Variants in SRRM2 observed in about 807,000 individuals in gnomAD.
SRRM2 encodes the protein serine/arginine repetitive matrix protein 2.
In SRRM2, 30 loss-of-function variants were observed where a neutral mutation model predicts 213.8. That is an observed-to-expected ratio of 0.14 (90% CI 0.10 to 0.19). The LOEUF is 0.19. Ranked by LOEUF, SRRM2 falls within the 10% of genes least tolerant of loss-of-function variation. SRRM2 has a pLI of 1.00. For synonymous variants in SRRM2, 2,025 were observed against 1,377.7 expected (o/e 1.47, Z -10.40); for missense variants, 4,904 against 3,647.0 (o/e 1.34, Z -8.88).
chr16:2,761,066 T>G (rs2150774635), intron 10 of SRRM2, among the ~76,000 whole-genome samples: 1 of 152,336 alleles, frequency 6.6e-6, no homozygotes, highest in Middle Eastern at 3.4e-3. Context: ...CCTTATTGCT[T>G]TTGAATTATA....
In SRRM2 at chr16:2,766,085, C is replaced by G. The variant is rs747392349; in HGVS notation, c.5557C>G (p.Arg1853Gly). Residue 1853 changes from arginine (R) to glycine (G), a missense_variant, in exon 11 of 15, where the codon CGC (arginine) becomes GGC (glycine). By Grantham distance (125) the Arg-to-Gly change is moderately radical (BLOSUM62 -2). Transcript: ENST00000301740. This position sits in a 1 kb window ranked among gnomAD's most constrained non-coding sequence, Gnocchi z 7.0. ...RTPPTSRKRS[R>G]SRTSPAPWKR... The stretch of plus-strand genomic sequence containing the variant: ...ACCCCCAACCAGTCGGAAGCGTTCT[C>G]GCTCACGCACATCACCAGCCCCGTG... 2.5e-6 allele frequency: 4 copies of G among 1,614,046 alleles called. No individual in the cohort carries two copies. The highest frequency in any genetic ancestry group is 2.5e-6 in the Non-Finnish European group (3 of 1,180,040).
In SRRM2 at chr16:2,767,261, G is replaced by T. The variant is rs768236006; in HGVS notation, c.6733G>T (p.Ala2245Ser). 1.3e-5 allele frequency: 21 copies of T among 1,613,984 alleles called. No homozygotes were observed. In the South Asian group the frequency reaches 1.5e-4, roughly 12 times the overall value. ...TGCGGCAGCCATGAACCTAGCCAGC[G>T]CCAGGACACCTGCCATTCCAACAGC... The part of the protein sequence containing the change: ...ASAAAMNLAS[A>S]RTPAIPTAVN... The change falls in exon 11 of 15, where the codon GCC becomes TCC. Residue 2245 changes from alanine to serine, a missense_variant. Ala to Ser is a moderately conservative substitution (Grantham distance 99). Coordinates refer to ENST00000301740, the MANE Select transcript of SRRM2 (RefSeq NM_016333.4).
At chr16:2,753,089 G>T (rs975242853) in intron 1 of SRRM2, among the ~76,000 whole-genome samples, 22 of 149,014 alleles carry the variant, frequency 1.5e-4, no homozygotes, top group Admixed American at 4.0e-4. Flanking sequence ...CCTGTACTCG[G>T]GTTCGCGAGC....
In SRRM2 at chr16:2,769,271, C is replaced by A. The variant is rs747113957; in HGVS notation, c.8008C>A (p.Pro2670Thr). ...ACCTGCAAGCCCCAAGAAGCCACCC[C>A]CTGGCGAGCGGAGGTGAGTGCTGTC... is the stretch of plus-strand genomic sequence containing the variant. ...PKPASPKKPP[P>T]GERRSRSPRK... Residue 2670 changes from proline (P) to threonine (T), a missense_variant, in exon 12 of 15, where the codon CCT becomes ACT. By Grantham distance (38) the Pro-to-Thr change is conservative. Transcript: ENST00000301740. The A allele has an allele frequency of 6.4e-7, 1 of 1,561,468 alleles. No individual in the cohort carries two copies. The highest frequency in any genetic ancestry group is 8.7e-7 in the Non-Finnish European group (1 of 1,153,010).
chr16:2,767,221 G>A lies in SRRM2; in HGVS notation c.6693G>A (p.Arg2231=), dbSNP rs2068574806. The change falls in exon 11 of 15, where the codon AGG becomes AGA. Residue 2231 remains arginine, a synonymous_variant. Transcript: ENST00000301740. The stretch of plus-strand genomic sequence containing the variant: ...CACCAGCAGCCAACCTTGCCAGCAG[G>A]ATTCCTGCAGCCTCTGCGGCAGCCA... ...RTAPAANLAS[R]IPAASAAAMN... is the part of the protein sequence containing the mutation. 2 of 1,614,146 alleles carry A rather than the reference G, an allele frequency of 1.2e-6. No homozygotes were observed. Among genetic ancestry groups the A allele is most frequent in the Middle Eastern group, 1.6e-4 (1 of 6,062 alleles).
rs199897709 is a variant in SRRM2 at position 2,767,681 on chromosome 16, G to A, written c.7153G>A (p.Val2385Met). ...LSGANLTSPR[V>M]PLSAYERVSG... ...TGGTGCAAACCTCACCAGCCCCAGG[G>A]TGCCCCTTTCTGCCTACGAGCGTGT... is the stretch of plus-strand genomic sequence containing the variant. The change falls in exon 11 of 15, where the codon GTG becomes ATG. Residue 2385 changes from valine (V) to methionine (M), a missense_variant. Transcript: ENST00000301740. 5.8e-5 allele frequency: 94 copies of A among 1,613,968 alleles called. No individual in the cohort carries two copies. The highest frequency in any genetic ancestry group is 7.9e-5 in the Non-Finnish European group (93 of 1,179,994).
Position 2,763,209 on chromosome 16 carries a change from C to T in SRRM2, c.2681C>T (p.Ser894Phe), listed in dbSNP as rs750449689. ...CCTTCTAGACATAGCTGCTCAGGGT[C>T]CTCTCCTCCTAGAGTGAAATCTAGC... is the stretch of plus-strand genomic sequence containing the variant. ...RTPSRHSCSG[S>F]SPPRVKSSTP... is the part of the protein sequence containing the mutation. The change falls in exon 11 of 15, where the codon TCC (serine) becomes TTC (phenylalanine). Residue 894 changes from serine (S) to phenylalanine (F), a missense_variant. Transcript: ENST00000301740. The T allele has an allele frequency of 4.5e-5, 73 of 1,613,952 alleles. No individual in the cohort carries two copies. The highest frequency in any genetic ancestry group is 6.7e-5 in the Admixed American group (4 of 59,990).
At position 2,770,345 on chromosome 16, in the gene SRRM2, T is replaced by A; in HGVS notation, c.8022-7T>A. On this transcript the variant is annotated splice_region_variant and splice_polypyrimidine_tract_variant and intron_variant, in intron 12 of 14. Transcript: ENST00000301740. ...GTGGTGCTATTGGGTCCTACTGTGT[T>A]CCCCAGGTCCCGCAGCCCCCGGAAG... 6.3e-7 allele frequency: 1 copy of A among 1,578,860 alleles called. No homozygotes were observed. The highest frequency in any genetic ancestry group is 8.6e-7 in the Non-Finnish European group (1 of 1,161,874).
chr16:2,760,706 C>G (rs996278602), intron 10 of SRRM2: 32 of 581,030 alleles, frequency 5.5e-5, no homozygotes, highest in Non-Finnish European at 8.1e-5. Context: ...AATCAAATCT[C>G]ACTGGATGTT....
Position 2,764,688 on chromosome 16 carries a change from C to T in SRRM2, c.4160C>T (p.Ser1387Phe). The T allele has an allele frequency of 1.2e-6, 2 of 1,614,060 alleles. No homozygotes were observed. The highest frequency in any genetic ancestry group is 1.7e-6 in the Non-Finnish European group (2 of 1,180,028). The change falls in exon 11 of 15, where the codon TCC becomes TTC. Residue 1387 changes from serine (S) to phenylalanine (F), a missense_variant. By Grantham distance (155) the Ser-to-Phe change is radical. Transcript: ENST00000301740. ...TCTGGACACAGCAGTTCTGAGTTAT[C>T]CCCAGATGCAGTGGAAAAGGCAGGG... ...RSSGHSSSEL[S>F]PDAVEKAGMS...
At chr16:2,754,440 A>G (rs1353020837) in intron 1 of SRRM2, among the ~76,000 whole-genome samples, 1 of 152,064 alleles carries the variant, frequency 6.6e-6, no homozygotes, top group Non-Finnish European at 1.5e-5. Flanking sequence ...ATTACAGGCA[A>G]TCGCCGCCGC....
chr16:2,767,297 G>A lies in SRRM2; in HGVS notation c.6769G>A (p.Ala2257Thr), dbSNP rs1156502859. The A allele has an allele frequency of 6.2e-7, 1 of 1,613,252 alleles. No individual in the cohort carries two copies. The highest frequency in any genetic ancestry group is 8.5e-7 in the Non-Finnish European group (1 of 1,179,966). Residue 2257 changes from alanine to threonine, a missense_variant, in exon 11 of 15, where the codon GCT (alanine) becomes ACT (threonine). Physicochemically the swap from Ala to Thr is moderately conservative, Grantham distance 58. Transcript: ENST00000301740. ...TGCCATTCCAACAGCAGTGAACCTG[G>A]CTGACTCTCGAACGCCAGCTGCAGC... is the stretch of plus-strand genomic sequence containing the variant. ...TPAIPTAVNLADSRTPAAAAA... is the reference protein window; with the variant it reads ...TPAIPTAVNLTDSRTPAAAAA...
At position 2,765,211 on chromosome 16, in the gene SRRM2, T is replaced by C; in HGVS notation, c.4683T>C (p.Ser1561=). ...CTCAGGAAAGAAGTGAGTCAGACTC[T>C]TCTCCAGATTCTAAAGCCAAGACAA... ...ASPQERSESD[S]SPDSKAKTRT... The change falls in exon 11 of 15, where the codon TCT becomes TCC. Residue 1561 remains serine, a synonymous_variant. Coordinates refer to ENST00000301740, the MANE Select transcript of SRRM2 (RefSeq NM_016333.4). 1.9e-6 allele frequency: 3 copies of C among 1,614,162 alleles called. No individual in the cohort carries two copies. The highest frequency in any genetic ancestry group is 8.5e-7 in the Non-Finnish European group (1 of 1,180,022).
chr16:2,764,494 C>G lies in SRRM2; in HGVS notation c.3966C>G (p.Leu1322=), dbSNP rs747450695. ...PEHKELSNSP[L]RENSFGSPLE... ...ATAAAGAACTGTCTAACTCCCCACT[C>G]AGGGAGAACAGCTTTGGATCACCTT... is the stretch of plus-strand genomic sequence containing the variant. Residue 1322 remains leucine (L), a synonymous_variant, in exon 11 of 15, where the codon CTC becomes CTG. Coordinates refer to ENST00000301740, the MANE Select transcript of SRRM2 (RefSeq NM_016333.4). The G allele has an allele frequency of 2.5e-6, 4 of 1,614,152 alleles. No homozygotes were observed. Among genetic ancestry groups the G allele is most frequent in the African/African-American group, 1.3e-5 (1 of 75,030 alleles).
rs1386946750 is a variant in SRRM2, at chr16:2,761,576, C to T, written c.1048C>T (p.Pro350Ser). 1.3e-6 allele frequency: 2 copies of T among 1,514,146 alleles called. No homozygotes were observed. The highest frequency in any genetic ancestry group is 1.4e-5 in the African/African-American group (1 of 71,632). 93.8% of individuals were successfully genotyped at this position (1,514,146 alleles called of 1,614,324 possible). The change falls in exon 11 of 15, where the codon CCT (proline) becomes TCT (serine). Residue 350 changes from proline (P) to serine (S), a missense_variant. Pro to Ser is a moderately conservative substitution (Grantham distance 74, BLOSUM62 -1). Transcript: ENST00000301740. ...CCACTCTTAGAAATCTGCAACTCGACCTAGCCCCTCTCCGGAAAGGAGCAG... is the reference window on the plus strand; with the variant it reads ...CCACTCTTAGAAATCTGCAACTCGATCTAGCCCCTCTCCGGAAAGGAGCAG... ...KDKKEKSATRPSPSPERSSTG... is the reference protein window; with the variant it reads ...KDKKEKSATRSSPSPERSSTG...
In SRRM2 at chr16:2,767,802, C is replaced by G. The variant is rs1433475861; in HGVS notation, c.7274C>G (p.Pro2425Arg). Residue 2425 changes from proline to arginine, a missense_variant, in exon 11 of 15, where the codon CCC (proline) becomes CGC (arginine). Coordinates refer to ENST00000301740, the MANE Select transcript of SRRM2 (RefSeq NM_016333.4). The stretch of plus-strand genomic sequence containing the variant: ...TCTAGGATGACCTCTGAACGGGCTC[C>G]CTCCCCTTCCTCTAGAATGGGCCAG... ...SQSRMTSERA[P>R]SPSSRMGQAP... 1.1e-5 allele frequency: 17 copies of G among 1,613,910 alleles called. No individual in the cohort carries two copies. Among genetic ancestry groups the G allele is most frequent in the Non-Finnish European group, 1.4e-5 (17 of 1,180,014 alleles).
rs149970320 is a variant in SRRM2, at chr16:2,768,850, C to G, written c.7734-147C>G. ...TTGGGTCAGCTCGCACCACTGCTCT[C>G]CAGAGAATTGCTGGCTCACGTGGCT... On this transcript the variant is annotated intron_variant, in intron 11 of 14. Transcript: ENST00000301740. 2.2e-4 allele frequency: 328 copies of G among 1,514,122 alleles called. No homozygotes were observed. The African/African-American group carries it at 4.0e-3, about 19-fold the overall frequency. 93.8% of individuals were successfully genotyped at this position (1,514,122 alleles called of 1,614,324 possible).
At chr16:2,761,392 T>G (rs1413043130) in intron 10 of SRRM2, among the ~76,000 whole-genome samples, 169 bp from the exon 11 acceptor site, 1 of 152,268 alleles carries the variant, frequency 6.6e-6, no homozygotes, top group Non-Finnish European at 1.5e-5. Context: ...TTCATATGTT[T>G]TCACCACTGT....
At position 2,762,208 on chromosome 16, in the gene SRRM2, G is replaced by C. The variant is rs199955922; in HGVS notation, c.1680G>C (p.Gly560=). The C allele has an allele frequency of 6.2e-7, 1 of 1,614,010 alleles. No homozygotes were observed. The highest frequency in any genetic ancestry group is 1.7e-5 in the Admixed American group (1 of 60,012). The part of the protein sequence containing the change: ...RRGRSRSARR[G]RSHSRSPATR... ...GCAGGTCTAGGTCAGCAAGGCGAGG[G>C]AGGTCCCACTCTAGATCCCCAGCCA... The change falls in exon 11 of 15, where the codon GGG becomes GGC. Residue 560 remains glycine, a synonymous_variant. Transcript: ENST00000301740.
Sources: gnomAD v4.1 joint callset for allele counts (sites outside exome capture counted in the v4.1 genomes callset) on GRCh38, gnomAD v4.1.1 for gene constraint, Gnocchi (gnomAD v3.1) non-coding constraint, MANE v1.5 for transcripts, NCBI Gene and HGNC (gene_info 2026-07-23, HGNC 2026-07-21) for gene names.